PAPPA2: variants seen among roughly 807,000 people sequenced by gnomAD.
The protein encoded by PAPPA2 is pappalysin 2.
Under a neutral mutation model 176.4 loss-of-function variants are expected in PAPPA2, and 86 were observed. That is an observed-to-expected ratio of 0.49 (90% confidence interval 0.41 to 0.58). The LOEUF is 0.58. Ranked by LOEUF, PAPPA2 falls within the 20% of genes least tolerant of loss-of-function variation. PAPPA2 has a pLI of 0.00. For missense variants in PAPPA2, 2,073 were observed against 2,256.9 expected (o/e 0.92, Z 1.65); for synonymous variants, 809 against 852.2 (o/e 0.95, Z 0.88).
chr1:176,642,969 T>C (rs1657184056), intron 3 of PAPPA2, among the ~76,000 whole-genome samples: 1 of 151,924 alleles, frequency 6.6e-6, no homozygotes, highest in African/African-American at 2.4e-5. Flanking sequence ...CCTATTGGTC[T>C]GAAAATGCAT....
At chr1:176,816,833 TCTTA>T (rs1356409888) in intron 21 of PAPPA2, among the ~76,000 whole-genome samples, 1 of 152,160 alleles carries the variant, frequency 6.6e-6, no homozygotes, top group Non-Finnish European at 1.5e-5. Flanking sequence ...AGAAGATGTC[TCTTA>T]CTTTGCTGTT....
chr1:176,594,433 C>G (rs1653833120), intron 2 of PAPPA2, 91 bp from the exon 3 acceptor site: 1 of 1,112,444 alleles, frequency 9.0e-7, no homozygotes, highest in Non-Finnish European at 1.3e-6. Context: ...AACCTGCATT[C>G]TTGTTATTTA....
chr1:176,712,778 T>C (rs987031680), intron 12 of PAPPA2, among the ~76,000 whole-genome samples: 2 of 152,230 alleles, frequency 1.3e-5, no homozygotes, highest in African/African-American at 2.4e-5. Context: ...GTTGTACTAA[T>C]GTATACTCCC....
intron 4 of PAPPA2, among the ~76,000 whole-genome samples, chr1:176,689,718 C>T (rs1380008871): frequency 6.6e-6 from 1 of 152,122 alleles, no homozygotes; most frequent in Non-Finnish European, 1.5e-5. Flanking sequence ...TTTGCCTAGA[C>T]CAGTGATTCT....
chr1:176,764,889 T>C lies in PAPPA2; in HGVS notation c.4152-777T>C, dbSNP rs559516141. Among the ~76,000 whole-genome samples the C allele has an allele frequency of 4.2e-3, 633 of 152,250 alleles. 2 individuals are homozygous for C. The highest frequency in any genetic ancestry group is 6.4e-3 in the South Asian group (31 of 4,814). Reference sequence around the variant, plus strand: ...GGGATTATGGGCGTGAGCCACCGCATCCGGCCTGCTCCAGTGTATTCTTGC... The same window carrying C: ...GGGATTATGGGCGTGAGCCACCGCACCCGGCCTGCTCCAGTGTATTCTTGC... On this transcript the variant is annotated intron_variant, in intron 14 of 22. Transcript: ENST00000367662.
chr1:176,478,895 G>A (rs539431848), intron 1 of PAPPA2, among the ~76,000 whole-genome samples: 5 of 152,240 alleles, frequency 3.3e-5, no homozygotes, highest in South Asian at 2.1e-4. Flanking sequence ...TTTATGTCAC[G>A]GGAGTTAAAC....
At chr1:176,465,920 T>G (rs1651598914) in intron 1 of PAPPA2, among the ~76,000 whole-genome samples, 1 of 152,140 alleles carries the variant, frequency 6.6e-6, no homozygotes, top group Non-Finnish European at 1.5e-5. Flanking sequence ...GTATATCATT[T>G]TTTTTATAAG....
chr1:176,711,121 G>A (rs536677725), intron 11 of PAPPA2, among the ~76,000 whole-genome samples: 5 of 152,224 alleles, frequency 3.3e-5, no homozygotes, highest in African/African-American at 1.2e-4. Context: ...ACCTTTAGTT[G>A]TAAGGGACCC....
At position 176,650,162 on chromosome 1, in the gene PAPPA2, T is replaced by C. The variant is rs571902095; in HGVS notation, c.1992-20808T>C. ...ATTATATGGTAACCTTCTTTGTCTC[T>C]TTTTACAGTCTTTGATTTGTAGTAT... is the stretch of plus-strand genomic sequence containing the variant. On this transcript the variant is annotated intron_variant, in intron 3 of 22. Coordinates refer to ENST00000367662, the MANE Select transcript of PAPPA2 (RefSeq NM_020318.3). Among the ~76,000 whole-genome samples the C allele has an allele frequency of 2.0e-4, 31 of 151,676 alleles. 1 individual carries two copies. The highest frequency in any genetic ancestry group is 7.5e-4 in the African/African-American group (31 of 41,488).
At chr1:176,753,646 T>C (rs1663285588) in intron 14 of PAPPA2, among the ~76,000 whole-genome samples, 1 of 151,022 alleles carries the variant, frequency 6.6e-6, no homozygotes, top group East Asian at 1.9e-4. Context: ...TATCATAAGG[T>C]TTCCTTTTAA....
At position 176,805,630 on chromosome 1, in the gene PAPPA2, T is replaced by A. The variant is rs189144520; in HGVS notation, c.5202+5498T>A. ...AAATAATATAACGTACTAGCAGTGA[T>A]ACTGCCTAAGGAATGACACATGTAA... On this transcript the variant is annotated intron_variant, in intron 21 of 22. Coordinates refer to ENST00000367662, the MANE Select transcript of PAPPA2 (RefSeq NM_020318.3). Among the ~76,000 whole-genome samples the A allele has an allele frequency of 1.2e-4, 19 of 152,266 alleles. No individual in the cohort carries two copies. The East Asian group carries it at 3.7e-3, about 29-fold the overall frequency.
intron 4 of PAPPA2, among the ~76,000 whole-genome samples, chr1:176,676,546 C>G (rs1269612877): frequency 6.6e-6 from 1 of 151,660 alleles, no homozygotes; most frequent in African/African-American, 2.4e-5. Flanking sequence ...AGATAAAGAA[C>G]AAACTAGTGA....
chr1:176,755,516 A>G (rs1663372471), intron 14 of PAPPA2, among the ~76,000 whole-genome samples: 2 of 152,184 alleles, frequency 1.3e-5, no homozygotes, highest in Admixed American at 6.5e-5. Flanking sequence ...AGCTCAGGCT[A>G]TGAATGTAGT....
chr1:176,774,192 T>C (rs1664349658), intron 17 of PAPPA2, among the ~76,000 whole-genome samples: 1 of 152,164 alleles, frequency 6.6e-6, no homozygotes, highest in Admixed American at 6.5e-5. Context: ...AAAATTGATG[T>C]TTCTCTGAGT....
At chr1:176,690,476 G>A (rs368507304) in intron 5 of PAPPA2, 46 bp downstream of exon 5, 1 of 1,588,782 alleles carries the variant, frequency 6.3e-7, no homozygotes, top group Non-Finnish European at 8.6e-7. Context: ...ATACATGGGG[G>A]CCTTTGAGAG....
At chr1:176,664,948 C>T (rs957767664) in intron 3 of PAPPA2, among the ~76,000 whole-genome samples, 5 of 152,086 alleles carry the variant, frequency 3.3e-5, no homozygotes, top group African/African-American at 1.2e-4. Context: ...TCTCTTCTTT[C>T]TGGGGTCATC....
At chr1:176,825,229 A>G (rs1055592856) in intron 21 of PAPPA2, among the ~76,000 whole-genome samples, 9 of 152,080 alleles carry the variant, frequency 5.9e-5, no homozygotes, top group Non-Finnish European at 1.0e-4. Flanking sequence ...TTTTGCTCAT[A>G]CTTACTTCAC....
intron 3 of PAPPA2, among the ~76,000 whole-genome samples, chr1:176,617,998 G>C (rs960656578): frequency 4.6e-5 from 7 of 152,180 alleles, no homozygotes; most frequent in Admixed American, 1.3e-4. Flanking sequence ...GGAAGGTTGA[G>C]GCCTGTAACT....
intron 1 of PAPPA2, among the ~76,000 whole-genome samples, chr1:176,521,377 A>G (rs1649207340): frequency 1.3e-5 from 2 of 152,232 alleles, no homozygotes; most frequent in South Asian, 4.1e-4. Flanking sequence ...AGCCCAAGAA[A>G]CCACATGGTG....
Sources: gnomAD v4.1 joint callset for allele counts (sites outside exome capture counted in the v4.1 genomes callset) on GRCh38, gnomAD v4.1.1 for gene constraint, MANE v1.5 for transcripts, NCBI Gene and HGNC (gene_info 2026-07-23, HGNC 2026-07-21) for gene names.